Variants in MAP2 observed in about 807,000 individuals in gnomAD.
MAP2 encodes the protein microtubule-associated protein 2.
In MAP2, 14 loss-of-function variants were observed where a neutral mutation model predicts 137.6. The observed-to-expected ratio is 0.10, with a 90% CI of 0.07 to 0.16. MAP2 has a LOEUF of 0.16. Among genes scored for constraint, MAP2 ranks in the 10% least tolerant of loss-of-function variants. The pLI is 1.00. For missense variants in MAP2, 2,088 were observed against 2,191.5 expected (o/e 0.95, Z 0.94); for synonymous variants, 786 against 782.3 (o/e 1.00, Z -0.08).
chr2:209,671,155 A>C (rs1054126410), intron 5 of MAP2, among the ~76,000 whole-genome samples: 2 of 151,916 alleles, frequency 1.3e-5, no homozygotes, highest in African/African-American at 2.4e-5. Flanking sequence ...GCTGGTGGGG[A>C]AAGATCTGTA....
intron 7 of MAP2, among the ~76,000 whole-genome samples, chr2:209,685,449 T>C (rs1268568534): frequency 6.6e-6 from 1 of 152,202 alleles, no homozygotes; most frequent in Admixed American, 6.5e-5. Flanking sequence ...CCTGTTTGGC[T>C]TAGCCCTCCC....
At chr2:209,596,589 A>G (rs2081358961) in intron 3 of MAP2, among the ~76,000 whole-genome samples, 1 of 152,240 alleles carries the variant, frequency 6.6e-6, no homozygotes, top group Admixed American at 6.5e-5. Context: ...TATTAAAAGT[A>G]AAGGAAATGA....
At chr2:209,544,381 T>C (rs1382900277) in intron 2 of MAP2, among the ~76,000 whole-genome samples, 2 of 152,148 alleles carry the variant, frequency 1.3e-5, no homozygotes, top group African/African-American at 4.8e-5. Context: ...CTTTTTGCAG[T>C]GGGGAAGGAA....
At position 209,694,655 on chromosome 2, in the gene MAP2, G is replaced by C; in HGVS notation, c.2485G>C (p.Ala829Pro). 6.2e-7 allele frequency: 1 copy of C among 1,614,158 alleles called. No homozygotes were observed. Among genetic ancestry groups the C allele is most frequent in the Non-Finnish European group, 8.5e-7 (1 of 1,180,030 alleles). The change falls in exon 8 of 16, where the codon GCC becomes CCC. Residue 829 changes from alanine (A) to proline (P), a missense_variant. This residue lies in a region of MAP2 where 500 missense variants were observed against 482.9 expected (regional missense o/e 1.04). Transcript: ENST00000682079. Reference sequence around the variant, plus strand: ...TTCTGTGAGTGCAGATGCTGAGGTTGCCAGGAGGAAATCAGTCCCATCAGA... The same window carrying C: ...TTCTGTGAGTGCAGATGCTGAGGTTCCCAGGAGGAAATCAGTCCCATCAGA... ...LASVSADAEV[A>P]RRKSVPSETV...
Position 209,567,066 on chromosome 2 carries a change from A to AT in MAP2, c.-171-12962dup, listed in dbSNP as rs1037743155. On this transcript the variant is annotated intron_variant, in intron 2 of 15. Coordinates refer to ENST00000682079, the MANE Select transcript of MAP2 (RefSeq NM_001375505.1). ...CTGGACATTTGATTCACTTTTCTTT[A>AT]TTTTTTTTAGCTTCACTGGTTTAAA... Among the ~76,000 whole-genome samples the AT allele has an allele frequency of 7.0e-4, 107 of 151,948 alleles. 1 individual carries two copies. Among genetic ancestry groups the AT allele is most frequent in the Middle Eastern group, 3.4e-3 (1 of 294 alleles).
chr2:209,671,859 A>G (rs2048976146), intron 5 of MAP2, among the ~76,000 whole-genome samples: 1 of 151,862 alleles, frequency 6.6e-6, no homozygotes, highest in Non-Finnish European at 1.5e-5. Flanking sequence ...GAAAAACCAC[A>G]GGGTACGAAT....
In MAP2 at chr2:209,632,631, C is replaced by T. The variant is rs186698697; in HGVS notation, c.-30+7502C>T. Among the ~76,000 whole-genome samples, 156 of 152,238 alleles carry T rather than the reference C, an allele frequency of 1.0e-3. No homozygotes were observed. In the Middle Eastern group the frequency reaches 0.014, roughly 13 times the overall value. ...GGCCATGCCCATCCAGATATGCTGT[C>T]GTCAGTCATCACAAACACACATGTC... On this transcript the variant is annotated intron_variant, in intron 4 of 15. Coordinates refer to ENST00000682079, the MANE Select transcript of MAP2 (RefSeq NM_001375505.1).
chr2:209,634,415 G>T (rs929114882), intron 4 of MAP2, among the ~76,000 whole-genome samples: 3 of 152,018 alleles, frequency 2.0e-5, no homozygotes, highest in African/African-American at 7.2e-5. Context: ...TGTCCTCTTC[G>T]TAGTCAGCCA....
chr2:209,621,622 A>G (rs1000050069), intron 3 of MAP2, among the ~76,000 whole-genome samples: 3 of 152,132 alleles, frequency 2.0e-5, no homozygotes, highest in Admixed American at 6.6e-5. Flanking sequence ...GATACTTACA[A>G]TGTGTTTCGA....
rs372565329 is a variant in MAP2, at chr2:209,474,970, G to T, written c.-221-32622G>T. 8.5e-4 allele frequency among the ~76,000 whole-genome samples: 129 copies of T among 151,904 alleles called. 1 individual carries two copies. The South Asian group carries it at 0.016, about 19-fold the overall frequency. On this transcript the variant is annotated intron_variant, in intron 1 of 15. Transcript: ENST00000682079. ...TCTTTTTCACTTTTTGCAAGTAATG[G>T]GTTTTCACTCTAGTATTATTCTTGA... is the stretch of plus-strand genomic sequence containing the variant.
chr2:209,574,778 T>C (rs1578739981), intron 2 of MAP2, among the ~76,000 whole-genome samples: 4 of 152,350 alleles, frequency 2.6e-5, no homozygotes. Flanking sequence ...AGAGAAAATG[T>C]CATCTATAGT....
intron 13 of MAP2, chr2:209,723,830 T>G: frequency 1.7e-6 from 1 of 586,640 alleles, no homozygotes; most frequent in Non-Finnish European, 3.1e-6. Flanking sequence ...TATGATAGCT[T>G]GTAGCCTTGC....
At chr2:209,709,781 A>T (rs1315995670) in intron 12 of MAP2, 133 bp from the exon 13 acceptor site, 1 of 670,728 alleles carries the variant, frequency 1.5e-6, no homozygotes, top group Admixed American at 2.9e-5. Flanking sequence ...CTTCTTGAGT[A>T]CTATAGTGAT....
intron 1 of MAP2, among the ~76,000 whole-genome samples, chr2:209,433,794 C>G (rs1694975027): frequency 6.6e-6 from 1 of 151,816 alleles, no homozygotes; most frequent in Non-Finnish European, 1.5e-5. Context: ...TGGTGAGTTA[C>G]ATGCATAATT....
intron 1 of MAP2, among the ~76,000 whole-genome samples, chr2:209,478,508 A>G (rs1334468508): frequency 1.3e-5 from 2 of 152,202 alleles, no homozygotes; most frequent in African/African-American, 2.4e-5. Flanking sequence ...CAATTTACAA[A>G]ACCTCACTAT....
At chr2:209,663,654 A>G (rs761464979) in intron 5 of MAP2, among the ~76,000 whole-genome samples, 1 of 152,218 alleles carries the variant, frequency 6.6e-6, no homozygotes, top group Non-Finnish European at 1.5e-5. Flanking sequence ...ATAAGAAAGG[A>G]GGAATCAAGA....
chr2:209,428,383 T>C (rs938428622), intron 1 of MAP2, among the ~76,000 whole-genome samples: 1 of 121,278 alleles, frequency 8.2e-6, no homozygotes, highest in African/African-American at 3.5e-5. Flanking sequence ...GCAAATTTCT[T>C]TTTTTTTTTT....
At position 209,696,669 on chromosome 2, in the gene MAP2, C is replaced by T. The variant is rs1186809500; in HGVS notation, c.4308C>T (p.Gly1436=). 6.2e-7 allele frequency: 1 copy of T among 1,613,684 alleles called. No homozygotes were observed. Among genetic ancestry groups the T allele is most frequent in the Non-Finnish European group, 8.5e-7 (1 of 1,179,844 alleles). ...RKEKPFKTGR[G]RISTPERKVA... is the part of the protein sequence containing the mutation. Reference sequence around the variant, plus strand: ...AAAAGCCTTTTAAAACCGGGAGAGGCAGAATTTCCACTCCTGAAAGAAAAG... The same window carrying T: ...AAAAGCCTTTTAAAACCGGGAGAGGTAGAATTTCCACTCCTGAAAGAAAAG... The change falls in exon 9 of 16, where the codon GGC becomes GGT. Residue 1436 remains glycine, a synonymous_variant. Coordinates refer to ENST00000682079, the MANE Select transcript of MAP2 (RefSeq NM_001375505.1).
intron 4 of MAP2, among the ~76,000 whole-genome samples, chr2:209,628,345 T>C (rs1357996232): frequency 6.6e-6 from 1 of 152,122 alleles, no homozygotes; most frequent in East Asian, 1.9e-4. Flanking sequence ...CCTTAAATAT[T>C]ACAGTGCAGT....
Sources: gnomAD v4.1 joint callset for allele counts (sites outside exome capture counted in the v4.1 genomes callset) on GRCh38, gnomAD v4.1.1 for gene constraint, gnomAD v4.1.1 regional missense constraint, MANE v1.5 for transcripts, NCBI Gene and HGNC (gene_info 2026-07-23, HGNC 2026-07-21) for gene names.